Variants in S100PBP observed in about 807,000 individuals in gnomAD.
S100PBP encodes S100P binding protein, also known as S100P-binding protein.
A neutral mutation model predicts 39.9 loss-of-function variants in S100PBP; 15 were observed. That is an observed-to-expected ratio of 0.38 (90% CI 0.25 to 0.58). S100PBP has a LOEUF of 0.58. Among genes scored for constraint, S100PBP ranks in the 20% least tolerant of loss-of-function variants. The pLI is 0.70. For missense variants in S100PBP, 504 were observed against 487.3 expected, an observed-to-expected ratio of 1.03 and a Z score of -0.32; for synonymous variants, 178 against 180.3, an observed-to-expected ratio of 0.99 and a Z score of 0.10.
chr1:32,852,871 G>T, intron 5 of S100PBP: 1 of 514,994 alleles, frequency 1.9e-6, no homozygotes. Context: ...ATGAATGAAT[G>T]GTGGCTGCTA....
chr1:32,817,612 G>C, upstream of S100PBP: 1 of 357,858 alleles, frequency 2.8e-6, no homozygotes, highest in Non-Finnish European at 5.3e-6. Context: ...AGGGGAGGTC[G>C]GGGAGGGGGC....
intron 3 of S100PBP, among the ~76,000 whole-genome samples, chr1:32,827,251 C>T (rs372062494): frequency 6.6e-5 from 10 of 152,246 alleles, no homozygotes; most frequent in Non-Finnish European, 1.0e-4. Context: ...TCACCTGGCA[C>T]GTAATATTAA....
intron 1 of S100PBP, among the ~76,000 whole-genome samples, chr1:32,822,972 T>C (rs773071586): frequency 2.0e-5 from 3 of 152,206 alleles, no homozygotes; most frequent in Non-Finnish European, 4.4e-5. Flanking sequence ...GGATTCTAGC[T>C]CTGCCATTTG....
intron 5 of S100PBP, among the ~76,000 whole-genome samples, chr1:32,848,261 C>T (rs1158080403): frequency 2.6e-5 from 4 of 151,936 alleles, no homozygotes; most frequent in African/African-American, 4.8e-5. Context: ...GAGCCAATAT[C>T]GAGTCACTGC....
At chr1:32,851,250 T>G (rs1640594865) in intron 5 of S100PBP, among the ~76,000 whole-genome samples, 1 of 152,114 alleles carries the variant, frequency 6.6e-6, no homozygotes, top group South Asian at 2.1e-4. Context: ...TACTAGAACT[T>G]GAAAATATGA....
At chr1:32,842,353 A>T (rs1038312709) in intron 5 of S100PBP, among the ~76,000 whole-genome samples, 8 of 151,052 alleles carry the variant, frequency 5.3e-5, no homozygotes, top group Admixed American at 5.3e-4. Context: ...TCCATTCTGC[A>T]TTGAATTGCC....
chr1:32,839,144 C>G (rs1639976820), intron 5 of S100PBP, among the ~76,000 whole-genome samples: 1 of 152,128 alleles, frequency 6.6e-6, no homozygotes, highest in Non-Finnish European at 1.5e-5. Context: ...TTCCCCTCCC[C>G]CTTGAGCCCC....
chr1:32,829,341 G>A (rs1309657573), intron 4 of S100PBP, among the ~76,000 whole-genome samples: 1 of 152,158 alleles, frequency 6.6e-6, no homozygotes, highest in African/African-American at 2.4e-5. Context: ...ACTCTAGAAA[G>A]CTATTTTCTG....
upstream of S100PBP, chr1:32,817,411 A>T (rs1057515514): frequency 6.4e-6 from 5 of 786,452 alleles, no homozygotes; most frequent in African/African-American, 1.7e-5. Context: ...CGGCCGGAAA[A>T]AGTGAGGAGC....
At chr1:32,847,069 C>T (rs755150874) in intron 5 of S100PBP, among the ~76,000 whole-genome samples, 76 of 152,174 alleles carry the variant, frequency 5.0e-4, no homozygotes, top group Non-Finnish European at 9.7e-4. Flanking sequence ...CATGAGCCAC[C>T]GTGCCTGGCC....
At chr1:32,834,257 T>C (rs1415668109) in intron 5 of S100PBP, among the ~76,000 whole-genome samples, 2 of 152,238 alleles carry the variant, frequency 1.3e-5, no homozygotes, top group African/African-American at 4.8e-5. Context: ...TCATGTAATA[T>C]ATATTCCATA....
At chr1:32,835,340 G>A (rs1231490284) in intron 5 of S100PBP, 1 of 151,628 alleles carries the variant, frequency 6.6e-6, no homozygotes, top group African/African-American at 2.4e-5. Flanking sequence ...TTGATAAATG[G>A]GAGCTCCTTC....
At chr1:32,834,839 C>T (rs922546587) in intron 5 of S100PBP, 1 of 152,132 alleles carries the variant, frequency 6.6e-6, no homozygotes, top group Non-Finnish European at 1.5e-5. Flanking sequence ...CTGGGAGTTA[C>T]ATAGAAAATG....
chr1:32,833,454 C>T (rs183009926), intron 5 of S100PBP, among the ~76,000 whole-genome samples: 7 of 151,850 alleles, frequency 4.6e-5, no homozygotes, highest in South Asian at 2.1e-4. Flanking sequence ...CTCTCCCTCC[C>T]GGGTTCAAGC....
intron 1 of S100PBP, among the ~76,000 whole-genome samples, chr1:32,822,350 C>T (rs1379043995): frequency 2.6e-5 from 4 of 152,276 alleles, no homozygotes; most frequent in South Asian, 2.1e-4. Context: ...CGGTGGCTCA[C>T]GCCTGTAATC....
At chr1:32,842,004 G>A (rs1433399292) in intron 5 of S100PBP, among the ~76,000 whole-genome samples, 1 of 150,760 alleles carries the variant, frequency 6.6e-6, no homozygotes, top group Non-Finnish European at 1.5e-5. Flanking sequence ...GGGCAATGTG[G>A]TGAAACCTTG....
chr1:32,841,565 A>C (rs1355720747), intron 5 of S100PBP, among the ~76,000 whole-genome samples: 3 of 151,826 alleles, frequency 2.0e-5, no homozygotes, highest in East Asian at 1.9e-4. Flanking sequence ...GCCCATCTCT[A>C]CTAAAAATAC....
chr1:32,833,622 A>G (rs1258734932), intron 5 of S100PBP, among the ~76,000 whole-genome samples: 1 of 152,130 alleles, frequency 6.6e-6, no homozygotes, highest in African/African-American at 2.4e-5. Flanking sequence ...TTGGCCTCCC[A>G]AAGTGCTGGG....
At chr1:32,836,618 T>TAA in intron 5 of S100PBP, 1 of 973,982 alleles carries the variant, frequency 1.0e-6, no homozygotes, top group Non-Finnish European at 1.2e-6. Flanking sequence ...TTTCTTTCAT[T>TAA]AAATTTTTTT....
Sources: allele counts gnomAD v4.1 joint callset (sites outside exome capture counted in the v4.1 genomes callset), GRCh38; gene constraint gnomAD v4.1.1; transcripts MANE v1.5; gene names NCBI Gene and HGNC (gene_info 2026-07-23, HGNC 2026-07-21).